SLC4A8: variants seen among roughly 807,000 people sequenced by gnomAD.
SLC4A8 encodes the protein solute carrier family 4 member 8, also known as electroneutral sodium bicarbonate exchanger 1.
In SLC4A8, 40 loss-of-function variants were observed where a neutral mutation model predicts 125.0. That is an observed-to-expected ratio of 0.32 (90% CI 0.25 to 0.42). The LOEUF is 0.42. SLC4A8 is among the 10% of genes least tolerant of loss of function. The pLI is 1.00. For missense variants in SLC4A8, 863 were observed against 1,355.1 expected, an observed-to-expected ratio of 0.64 and a Z score of 5.70; for synonymous variants, 456 against 476.0, an observed-to-expected ratio of 0.96 and a Z score of 0.55.
At chr12:51,424,465 C>T (rs1948891176), upstream of SLC4A8, 1 of 153,154 alleles carries the variant, frequency 6.5e-6, no homozygotes, top group African/African-American at 2.4e-5. Context: ...TTAGAAGGCC[C>T]TCTCCCCTCA....
intron 1 of SLC4A8, among the ~76,000 whole-genome samples, chr12:51,396,193 A>G (rs1948257225): frequency 1.3e-5 from 2 of 152,368 alleles, no homozygotes; most frequent in Admixed American, 6.5e-5. Flanking sequence ...GTTAGCCATT[A>G]TAATATTAGC....
chr12:51,474,819 A>G (rs1054700635), intron 15 of SLC4A8, among the ~76,000 whole-genome samples: 5 of 152,174 alleles, frequency 3.3e-5, no homozygotes, highest in African/African-American at 9.7e-5. Context: ...CCTTGGAAGT[A>G]GTATTGTTCA....
At chr12:51,392,571 C>CAAAAAAAAAA (rs35992841) in intron 1 of SLC4A8, among the ~76,000 whole-genome samples, 2 of 119,110 alleles carry the variant, frequency 1.7e-5, no homozygotes, top group Admixed American at 8.9e-5. Context: ...GATTCCGTAT[C>CAAAAAAAAAA]AAAAAAAAAA....
chr12:51,459,693 G>C (rs985208965), intron 7 of SLC4A8, among the ~76,000 whole-genome samples: 1 of 151,954 alleles, frequency 6.6e-6, no homozygotes, highest in Non-Finnish European at 1.5e-5. Flanking sequence ...AAAATGGCAA[G>C]ACCCCATCTC....
At chr12:51,473,646 C>T (rs1047913535) in intron 14 of SLC4A8, among the ~76,000 whole-genome samples, 1 of 152,170 alleles carries the variant, frequency 6.6e-6, no homozygotes, top group Non-Finnish European at 1.5e-5. Flanking sequence ...ATATTGGGAG[C>T]CAGGTCAGGC....
intron 22 of SLC4A8, among the ~76,000 whole-genome samples, chr12:51,501,613 A>G (rs1370294984): frequency 6.6e-6 from 1 of 152,224 alleles, no homozygotes; most frequent in Non-Finnish European, 1.5e-5. Context: ...GCTGCAATAA[A>G]TATATGAGTG....
chr12:51,444,413 GTC>G (rs954165030), intron 2 of SLC4A8, among the ~76,000 whole-genome samples: 1 of 152,088 alleles, frequency 6.6e-6, no homozygotes, highest in Non-Finnish European at 1.5e-5. Flanking sequence ...ATTTCTGCCT[GTC>G]TCTCTGATAT....
chr12:51,411,454 T>C lies in SLC4A8; in HGVS notation c.-112+19966T>C, dbSNP rs563585491. ...AATACAAAAAATTAGCAGGGTATGG[T>C]GGTGTGCACCTGTAGTCCCAGCTAC... On this transcript the variant is annotated intron_variant, in intron 1 of 24. Transcript: ENST00000358657. Among the ~76,000 whole-genome samples the C allele has an allele frequency of 7.3e-4, 111 of 152,024 alleles. 1 individual carries two copies. Among genetic ancestry groups the C allele is most frequent in the African/African-American group, 2.6e-3 (108 of 41,450 alleles).
intron 17 of SLC4A8, among the ~76,000 whole-genome samples, chr12:51,487,657 A>T (rs1951196846): frequency 6.6e-6 from 1 of 152,306 alleles, no homozygotes; most frequent in African/African-American, 2.4e-5. Context: ...GAGTTTAGAT[A>T]TGTTGTGAAC....
chr12:51,502,958 C>T (rs902570388), intron 22 of SLC4A8, among the ~76,000 whole-genome samples: 4 of 151,420 alleles, frequency 2.6e-5, no homozygotes, highest in Non-Finnish European at 4.4e-5. Context: ...TCTCCTGCCT[C>T]AGCCTCCCGA....
chr12:51,419,305 T>G (rs775262308), intron 1 of SLC4A8, among the ~76,000 whole-genome samples: 9 of 152,198 alleles, frequency 5.9e-5, no homozygotes, highest in Admixed American at 3.9e-4. Flanking sequence ...TGCTGCCACC[T>G]TAAAGCTGTC....
chr12:51,487,866 A>C (rs1235207271), intron 17 of SLC4A8, among the ~76,000 whole-genome samples: 3 of 152,238 alleles, frequency 2.0e-5, no homozygotes, highest in African/African-American at 7.2e-5. Context: ...AGATGGCTCC[A>C]CTTTGCCTTT....
intron 1 of SLC4A8, among the ~76,000 whole-genome samples, chr12:51,430,775 A>C (rs1443159396): frequency 6.6e-6 from 1 of 152,212 alleles, no homozygotes; most frequent in Admixed American, 6.5e-5. Context: ...GTCTATTCTA[A>C]ATCTGCTGCC....
At chr12:51,468,556 G>A (rs763526030) in intron 11 of SLC4A8, among the ~76,000 whole-genome samples, 1 of 152,086 alleles carries the variant, frequency 6.6e-6, no homozygotes, top group Non-Finnish European at 1.5e-5. Flanking sequence ...TCAGGAGGTC[G>A]AGACCATCCT....
intron 5 of SLC4A8, 128 bp downstream of exon 5, chr12:51,453,827 G>A: frequency 1.4e-6 from 1 of 726,142 alleles, no homozygotes. Context: ...AACCTTCCTG[G>A]CCTCAATGTC....
chr12:51,442,844 C>T (rs1023628095), intron 2 of SLC4A8, among the ~76,000 whole-genome samples: 1 of 152,072 alleles, frequency 6.6e-6, no homozygotes, highest in Admixed American at 6.6e-5. Context: ...AAGGGCAGCC[C>T]TAGGACTCAA....
At chr12:51,433,578 C>T (rs1371995482) in intron 1 of SLC4A8, among the ~76,000 whole-genome samples, 2 of 152,110 alleles carry the variant, frequency 1.3e-5, no homozygotes, top group Non-Finnish European at 2.9e-5. Context: ...TTTACAAGCA[C>T]CCTAGAAATC....
chr12:51,490,291 C>T (rs537031193), intron 19 of SLC4A8, among the ~76,000 whole-genome samples: 6 of 151,754 alleles, frequency 4.0e-5, no homozygotes, highest in South Asian at 4.2e-4. Flanking sequence ...CGCGGTGGCT[C>T]ACACCTGTAA....
At chr12:51,421,710 C>T (rs527584174), upstream of SLC4A8, among the ~76,000 whole-genome samples, 4 of 152,210 alleles carry the variant, frequency 2.6e-5, no homozygotes, top group East Asian at 5.8e-4. Context: ...GTCTTTCTGA[C>T]GCCCTGCCTC....
Sources: gnomAD v4.1 joint callset for allele counts (sites outside exome capture counted in the v4.1 genomes callset) on GRCh38, gnomAD v4.1.1 for gene constraint, MANE v1.5 for transcripts, NCBI Gene and HGNC (gene_info 2026-07-23, HGNC 2026-07-21) for gene names.